Variants in ADGRL2 observed in about 807,000 individuals in gnomAD.
ADGRL2 encodes the protein adhesion G protein-coupled receptor L2.
ADGRL2 carries 44 observed loss-of-function variants against 157.4 expected under a neutral mutation model. The ratio of observed to expected loss-of-function variants is 0.28; its 90% confidence interval spans 0.22 to 0.36. The LOEUF (loss-of-function observed/expected upper bound fraction) is 0.36. Ranked by LOEUF, ADGRL2 falls within the 10% of genes least tolerant of loss-of-function variation. ADGRL2 has a pLI of 1.00. For missense variants in ADGRL2, 1,510 were observed against 1,768.9 expected, an observed-to-expected ratio of 0.85 and a Z score of 2.63; for synonymous variants, 585 against 624.7, an observed-to-expected ratio of 0.94 and a Z score of 0.95.
intron 1 of ADGRL2, among the ~76,000 whole-genome samples, chr1:81,711,083 A>G (rs1211500477): frequency 2.0e-5 from 3 of 152,224 alleles, no homozygotes; most frequent in Admixed American, 1.3e-4. Flanking sequence ...TTTAAAAGGA[A>G]TCACCACTGT....
At chr1:81,847,402 G>T (rs568569496) in intron 2 of ADGRL2, among the ~76,000 whole-genome samples, 166 of 151,942 alleles carry the variant, frequency 1.1e-3, no homozygotes, top group African/African-American at 3.9e-3. Context: ...GGGAGTTTTG[G>T]TTATTAAAAT....
intron 23 of ADGRL2, among the ~76,000 whole-genome samples, chr1:81,988,953 CT>C (rs920419459): frequency 1.3e-5 from 2 of 150,102 alleles, no homozygotes; most frequent in African/African-American, 4.9e-5. Flanking sequence ...TCATTTCATT[CT>C]TTTTTTTTAC....
upstream of ADGRL2, among the ~76,000 whole-genome samples, chr1:81,698,078 G>A (rs995900575): frequency 2.0e-5 from 3 of 152,164 alleles, no homozygotes; most frequent in African/African-American, 7.2e-5. Context: ...TCTGAAGAAA[G>A]AGGAGACGTA....
At chr1:81,940,829 A>G (rs1291710172) in intron 4 of ADGRL2, among the ~76,000 whole-genome samples, 1 of 151,548 alleles carries the variant, frequency 6.6e-6, no homozygotes, top group Non-Finnish European at 1.5e-5. Context: ...TATACAATGT[A>G]AAGTAGTATT....
chr1:81,844,230 A>AT (rs1247025913), intron 2 of ADGRL2, among the ~76,000 whole-genome samples: 1 of 152,150 alleles, frequency 6.6e-6, no homozygotes, highest in East Asian at 1.9e-4. Context: ...TTACACAGTT[A>AT]TTTTTATAGT....
intron 15 of ADGRL2, among the ~76,000 whole-genome samples, chr1:81,969,779 CTTAG>C (rs975110233): frequency 1.1e-4 from 17 of 152,062 alleles, no homozygotes; most frequent in African/African-American, 3.1e-4. Context: ...AGAAACAGAA[CTTAG>C]TTAGTTAATG....
chr1:81,938,674 C>A (rs2095344640), intron 4 of ADGRL2, among the ~76,000 whole-genome samples: 1 of 151,556 alleles, frequency 6.6e-6, no homozygotes, highest in East Asian at 1.9e-4. Flanking sequence ...TTTAATCACT[C>A]TTTGCTAAAG....
chr1:81,631,842 T>G (rs567452731), intron 3 of ADGRL2, among the ~76,000 whole-genome samples: 1 of 152,186 alleles, frequency 6.6e-6, no homozygotes, highest in African/African-American at 2.4e-5. Flanking sequence ...CACTGGAGCA[T>G]TTCCTTGAAT....
intron 3 of ADGRL2, among the ~76,000 whole-genome samples, chr1:81,935,141 T>C (rs2095291196): frequency 1.3e-5 from 2 of 151,980 alleles, no homozygotes; most frequent in Non-Finnish European, 2.9e-5. Context: ...CATGTTAAAA[T>C]AATTCGTTTA....
chr1:81,532,077 T>C (rs1348547814), intron 2 of ADGRL2, among the ~76,000 whole-genome samples: 2 of 152,188 alleles, frequency 1.3e-5, no homozygotes, highest in Non-Finnish European at 2.9e-5. Context: ...ATGGCTTTAA[T>C]ATACTATTTA....
At chr1:81,830,797 G>A (rs1034408539) in intron 1 of ADGRL2, among the ~76,000 whole-genome samples, 1 of 152,104 alleles carries the variant, frequency 6.6e-6, no homozygotes, top group East Asian at 1.9e-4. Context: ...GTGAGCCACC[G>A]CGCCTGGCCA....
chr1:81,721,140 G>A (rs1321914675), intron 1 of ADGRL2, among the ~76,000 whole-genome samples: 1 of 150,822 alleles, frequency 6.6e-6, no homozygotes, highest in African/African-American at 2.4e-5. Context: ...CCAAAGTGCT[G>A]GGATTACGGG....
intron 1 of ADGRL2, among the ~76,000 whole-genome samples, chr1:81,358,993 A>G (rs918872119): frequency 1.3e-5 from 2 of 152,092 alleles, no homozygotes; most frequent in African/African-American, 4.8e-5. Flanking sequence ...AAGAGAGAAG[A>G]GAATCCAGGG....
At chr1:81,837,107 A>G (rs1199795131) in intron 2 of ADGRL2, 50 bp downstream of exon 2, 4 of 1,022,018 alleles carry the variant, frequency 3.9e-6, no homozygotes, top group Non-Finnish European at 5.8e-6. Flanking sequence ...AACTTGAACT[A>G]TACAATCTTC....
intron 3 of ADGRL2, among the ~76,000 whole-genome samples, chr1:81,677,341 C>T (rs1050161065): frequency 1.3e-5 from 2 of 152,198 alleles, no homozygotes; most frequent in Non-Finnish European, 2.9e-5. Flanking sequence ...TCCTTGTGAT[C>T]TAGTTGAGAG....
chr1:81,884,400 C>G (rs1193133223), intron 2 of ADGRL2, among the ~76,000 whole-genome samples: 1 of 152,120 alleles, frequency 6.6e-6, no homozygotes, highest in African/African-American at 2.4e-5. Flanking sequence ...CTAAGAGATA[C>G]TGTTGATTTT....
intron 1 of ADGRL2, among the ~76,000 whole-genome samples, chr1:81,320,677 T>A (rs1660441877): frequency 6.6e-6 from 1 of 152,230 alleles, no homozygotes; most frequent in Admixed American, 6.5e-5. Context: ...GAGCAGTGGG[T>A]CTTCATAATG....
In ADGRL2 at chr1:81,482,910, C is replaced by T. The variant is rs529905304; in HGVS notation, c.-248+37821C>T. ...AGTGAGCACACAGAAACATCCTGTA[C>T]ACCACACTAATTTTATTTAGAATGT... On this transcript the variant is annotated intron_variant, in intron 2 of 24. Coordinates refer to the ADGRL2 transcript ENST00000370721. Among the ~76,000 whole-genome samples, 135 of 152,000 alleles carry T rather than the reference C, an allele frequency of 8.9e-4. 2 individuals carry two copies. Among genetic ancestry groups the T allele is most frequent in the Middle Eastern group, 3.5e-3 (1 of 288 alleles).
intron 3 of ADGRL2, among the ~76,000 whole-genome samples, chr1:81,648,713 C>T (rs1490883736): frequency 2.0e-5 from 3 of 152,162 alleles, no homozygotes; most frequent in Non-Finnish European, 4.4e-5. Flanking sequence ...TACATAGTGA[C>T]ATTTCTGTAA....
Sources: gnomAD v4.1 joint callset for allele counts (sites outside exome capture counted in the v4.1 genomes callset) on GRCh38, gnomAD v4.1.1 for gene constraint, MANE v1.5 for transcripts, NCBI Gene and HGNC (gene_info 2026-07-23, HGNC 2026-07-21) for gene names.